CTNND2: variants seen among roughly 807,000 people sequenced by gnomAD.
The protein encoded by CTNND2 is catenin delta 2.
A neutral mutation model predicts 144.4 loss-of-function variants in CTNND2; 22 were observed. That is an observed-to-expected ratio of 0.15 (90% CI 0.11 to 0.22). The LOEUF (loss-of-function observed/expected upper bound fraction) is 0.22. CTNND2 is among the 10% of genes least tolerant of loss of function. The probability of loss-of-function intolerance (pLI) is 1.00; values close to 1 mark genes in which losing one functional copy is unlikely to be tolerated. For missense variants in CTNND2, 1,353 were observed against 1,618.8 expected (o/e 0.84, Z 2.82); for synonymous variants, 751 against 695.6 (o/e 1.08, Z -1.25).
intron 2 of CTNND2, among the ~76,000 whole-genome samples, chr5:11,617,318 G>A (rs1780626258): frequency 6.6e-6 from 1 of 152,184 alleles, no homozygotes; most frequent in East Asian, 1.9e-4. Flanking sequence ...AAATTCCTTG[G>A]ACATTCCTCA....
chr5:11,495,256 T>C (rs577563410), intron 3 of CTNND2, among the ~76,000 whole-genome samples: 7 of 152,332 alleles, frequency 4.6e-5, no homozygotes, highest in African/African-American at 1.7e-4. Context: ...TATCGAAATA[T>C]GTGGAATGAA....
intron 3 of CTNND2, among the ~76,000 whole-genome samples, chr5:11,502,803 A>G (rs1165158009): frequency 6.6e-6 from 1 of 152,204 alleles, no homozygotes; most frequent in Non-Finnish European, 1.5e-5. Context: ...AGCTGTCAAC[A>G]CCAAAAGAAT....
chr5:11,588,854 G>A, intron 2 of CTNND2: 1 of 985,390 alleles, frequency 1.0e-6, no homozygotes, highest in Non-Finnish European at 1.2e-6. Context: ...AGGCTGTGGA[G>A]CAGGCGGTTC....
chr5:11,129,097 TAAATAAAATATATATATTATATATAA>T (rs1470897913), intron 12 of CTNND2, among the ~76,000 whole-genome samples: 674 of 35,680 alleles, frequency 0.019, 44 homozygotes, highest in Middle Eastern at 0.056. Context: ...ATATTATATA[TAAATAAAATATATATATTATATATAA>T]TATATATTTA....
At chr5:11,121,798 T>C (rs1417116096) in intron 12 of CTNND2, among the ~76,000 whole-genome samples, 1 of 152,212 alleles carries the variant, frequency 6.6e-6, no homozygotes, top group East Asian at 1.9e-4. Context: ...CTGCTTCAGA[T>C]GGCCAGGATA....
At chr5:11,268,447 T>C (rs571169167) in intron 9 of CTNND2, among the ~76,000 whole-genome samples, 1 of 152,016 alleles carries the variant, frequency 6.6e-6, no homozygotes, top group Admixed American at 6.6e-5. Flanking sequence ...TAGCTGGGCG[T>C]GGTGGCATGC....
At chr5:11,511,095 G>A (rs889231988) in intron 3 of CTNND2, among the ~76,000 whole-genome samples, 7 of 152,314 alleles carry the variant, frequency 4.6e-5, no homozygotes, top group Middle Eastern at 6.8e-3. Context: ...GCCTTGCACA[G>A]TAAAAGCCCT....
chr5:11,238,058 C>A (rs1036474825), intron 9 of CTNND2, among the ~76,000 whole-genome samples: 5 of 152,150 alleles, frequency 3.3e-5, no homozygotes, highest in African/African-American at 1.2e-4. Flanking sequence ...TCATCTTAAG[C>A]AATATGGTTT....
chr5:11,497,017 A>G (rs2150002332), intron 3 of CTNND2, among the ~76,000 whole-genome samples: 1 of 152,222 alleles, frequency 6.6e-6, no homozygotes, highest in Non-Finnish European at 1.5e-5. Flanking sequence ...AAATTTGGTC[A>G]TAGTTAGGGA....
chr5:11,880,012 G>A (rs1357607359), intron 1 of CTNND2, among the ~76,000 whole-genome samples: 1 of 152,098 alleles, frequency 6.6e-6, no homozygotes, highest in Non-Finnish European at 1.5e-5. Context: ...CTGGGTTCTG[G>A]AGTCACCACA....
In CTNND2 at chr5:11,384,091, G is replaced by A. The variant is rs2149798065; in HGVS notation, c.1177+574C>T. Among the ~76,000 whole-genome samples, 1 of 152,316 alleles carries A rather than the reference G, an allele frequency of 6.6e-6. No individual in the cohort carries two copies. Among genetic ancestry groups the A allele is most frequent in the South Asian group, 2.1e-4 (1 of 4,826 alleles). On this transcript the variant is annotated intron_variant, in intron 7 of 21. Coordinates refer to ENST00000304623, the MANE Select transcript of CTNND2 (RefSeq NM_001332.4). This position sits in a 1 kb window ranked among gnomAD's most constrained non-coding sequence, Gnocchi z 5.2. ...TACATCCAATGACAGGTATGGGAGA[G>A]TCCTTTAGTTTTCCCAATAACTAAT...
At chr5:11,043,126 G>A (rs1188408287) in intron 16 of CTNND2, among the ~76,000 whole-genome samples, 1 of 149,296 alleles carries the variant, frequency 6.7e-6, no homozygotes, top group Non-Finnish European at 1.5e-5. Flanking sequence ...GGCCTCTTTT[G>A]TATTTTTATA....
chr5:11,673,554 T>C (rs957058553), intron 2 of CTNND2, among the ~76,000 whole-genome samples: 1 of 152,166 alleles, frequency 6.6e-6, no homozygotes, highest in Non-Finnish European at 1.5e-5. Flanking sequence ...TTGCTTTACA[T>C]ATGGAAATTC....
intron 5 of CTNND2, among the ~76,000 whole-genome samples, chr5:11,405,350 C>T (rs946779547): frequency 1.6e-4 from 25 of 152,318 alleles, no homozygotes; most frequent in African/African-American, 1.4e-4. Context: ...TCTGAGCTGG[C>T]GACCTTGTTA....
chr5:11,250,456 GCT>G (rs71595810), intron 9 of CTNND2, among the ~76,000 whole-genome samples: 3,985 of 73,046 alleles, frequency 0.055, 94 homozygotes, highest in East Asian at 0.08. Flanking sequence ...TTTAAAGGGT[GCT>G]CTCTCTCTCT....
chr5:11,543,183 A>G (rs1774911817), intron 3 of CTNND2, among the ~76,000 whole-genome samples: 1 of 152,218 alleles, frequency 6.6e-6, no homozygotes, highest in Non-Finnish European at 1.5e-5. Context: ...GGGTCCTCTC[A>G]TCATGTTCTA....
intron 1 of CTNND2, among the ~76,000 whole-genome samples, chr5:11,843,567 A>G (rs1794589549): frequency 6.6e-6 from 1 of 152,202 alleles, no homozygotes; most frequent in Non-Finnish European, 1.5e-5. Context: ...ATCTCAACAA[A>G]GTAGCAAGAC....
chr5:11,589,557 C>G (rs1779104064), intron 2 of CTNND2, among the ~76,000 whole-genome samples: 1 of 151,990 alleles, frequency 6.6e-6, no homozygotes, highest in African/African-American at 2.4e-5. Flanking sequence ...TCCTACCAAC[C>G]CAAAAGGCTC....
At chr5:10,992,180 C>T (rs1738756202) in intron 19 of CTNND2, among the ~76,000 whole-genome samples, 1 of 152,174 alleles carries the variant, frequency 6.6e-6, no homozygotes, top group Non-Finnish European at 1.5e-5. Flanking sequence ...AGCCTCTTAA[C>T]ATGCTGGGAT....
Sources: gnomAD v4.1 joint callset for allele counts (sites outside exome capture counted in the v4.1 genomes callset) on GRCh38, gnomAD v4.1.1 for gene constraint, Gnocchi (gnomAD v3.1) non-coding constraint, MANE v1.5 for transcripts, NCBI Gene and HGNC (gene_info 2026-07-23, HGNC 2026-07-21) for gene names.